Variants in QRICH1 observed in about 807,000 individuals in gnomAD.
QRICH1 encodes glutamine rich 1.
A neutral mutation model predicts 87.1 loss-of-function variants in QRICH1; 16 were observed. The observed-to-expected ratio is 0.18, with a 90% CI of 0.12 to 0.28. QRICH1 has a LOEUF of 0.28. QRICH1 is among the 10% of genes least tolerant of loss of function. The pLI is 1.00. For missense variants in QRICH1, 647 were observed against 951.7 expected, an observed-to-expected ratio of 0.68 and a Z score of 4.21; for synonymous variants, 367 against 368.4, an observed-to-expected ratio of 1.00 and a Z score of 0.05.
intron 1 of QRICH1, among the ~76,000 whole-genome samples, chr3:49,088,618 G>GTTTTTTTTTTT (rs1206382284): frequency 1.1e-5 from 1 of 93,170 alleles, no homozygotes; most frequent in Admixed American, 1.1e-4. Flanking sequence ...GCTTTTGTCT[G>GTTTTTTTTTTT]TTTTTTTTTT....
chr3:49,052,703 C>T (rs375276817), intron 3 of QRICH1, among the ~76,000 whole-genome samples: 41 of 152,200 alleles, frequency 2.7e-4, no homozygotes, highest in African/African-American at 9.6e-4. Context: ...CGGGGTTTCA[C>T]CATCTTGGCC....
intron 6 of QRICH1, among the ~76,000 whole-genome samples, chr3:49,037,539 G>A (rs563462833): frequency 5.3e-5 from 8 of 152,272 alleles, no homozygotes; most frequent in Admixed American, 3.9e-4. Flanking sequence ...CGCGACCAGC[G>A]CGGCCAACAT....
At chr3:49,088,258 T>A (rs1225010515) in intron 1 of QRICH1, among the ~76,000 whole-genome samples, 2 of 151,064 alleles carry the variant, frequency 1.3e-5, no homozygotes, top group Admixed American at 1.3e-4. Flanking sequence ...CGACCAGAAT[T>A]GACGTATTTC....
chr3:49,054,647 G>C (rs567891871), intron 3 of QRICH1, among the ~76,000 whole-genome samples: 1 of 152,284 alleles, frequency 6.6e-6, no homozygotes, highest in South Asian at 2.1e-4. Context: ...GCTCATGCCT[G>C]TAATCCCAAC....
At chr3:49,088,628 T>G (rs1270306776) in intron 1 of QRICH1, among the ~76,000 whole-genome samples, 7 of 148,640 alleles carry the variant, frequency 4.7e-5, no homozygotes, top group East Asian at 2.0e-4. Flanking sequence ...GTTTTTTTTT[T>G]TTTTTTTTTT....
intron 2 of QRICH1, among the ~76,000 whole-genome samples, chr3:49,072,511 A>G (rs2041859916): frequency 6.6e-6 from 1 of 151,372 alleles, no homozygotes; most frequent in Admixed American, 6.6e-5. Context: ...AGGTGACAGA[A>G]TGAGACCCTG....
chr3:49,042,793 G>T (rs928172570), intron 6 of QRICH1, among the ~76,000 whole-genome samples: 1 of 151,902 alleles, frequency 6.6e-6, no homozygotes, highest in Non-Finnish European at 1.5e-5. Flanking sequence ...GGCTGGTCTT[G>T]AACTCCCAAT....
intron 3 of QRICH1, among the ~76,000 whole-genome samples, chr3:49,049,806 A>C (rs1034976497): frequency 6.6e-6 from 1 of 151,980 alleles, no homozygotes; most frequent in African/African-American, 2.4e-5. Flanking sequence ...CCAGATTCTG[A>C]AGAGATCTTT....
chr3:49,030,240 G>A lies in QRICH1; in HGVS notation c.*212C>T. On this transcript the variant is annotated 3_prime_UTR_variant, in exon 10 of 10. Transcript: ENST00000395443. ...GACATATGACACTCAAGGAAACCCA[G>A]AGCCACCATCGGCTGAGGAGTCTGC... 1 of 562,630 alleles carries A rather than the reference G, an allele frequency of 1.8e-6. No individual in the cohort carries two copies. Among genetic ancestry groups the A allele is most frequent in the Non-Finnish European group, 3.1e-6 (1 of 323,912 alleles). The allele number at this position is 562,630 out of a possible 1,614,324, so 34.9% of individuals were successfully genotyped here.
intron 2 of QRICH1, among the ~76,000 whole-genome samples, chr3:49,071,698 C>T (rs866743876): frequency 4.6e-5 from 7 of 152,190 alleles, no homozygotes; most frequent in Admixed American, 2.0e-4. Context: ...GACTTCTTTT[C>T]TCTTTTTTTG....
chr3:49,088,402 C>T (rs13324235), intron 1 of QRICH1, among the ~76,000 whole-genome samples: 1 of 152,166 alleles, frequency 6.6e-6, no homozygotes, highest in East Asian at 1.9e-4. Context: ...TCAAGTGGTT[C>T]TCCTGCCTCA....
chr3:49,030,655 T>G lies in QRICH1; in HGVS notation c.2139-11A>C. ...TTCACACTCTGGGGGCTGAAGAATATGCGGATAAAAGTTGGGTACCACCAA... is the reference window on the plus strand; with the variant it reads ...TTCACACTCTGGGGGCTGAAGAATAGGCGGATAAAAGTTGGGTACCACCAA... On this transcript the variant is annotated splice_polypyrimidine_tract_variant and intron_variant, in intron 9 of 9. Coordinates refer to ENST00000395443, the MANE Select transcript of QRICH1 (RefSeq NM_198880.3). The G allele has an allele frequency of 6.5e-7, 1 of 1,544,286 alleles. No individual in the cohort carries two copies. The highest frequency in any genetic ancestry group is 8.7e-7 in the Non-Finnish European group (1 of 1,142,934).
intron 2 of QRICH1, among the ~76,000 whole-genome samples, chr3:49,066,942 G>T (rs2093472106): frequency 6.6e-6 from 1 of 151,878 alleles, no homozygotes; most frequent in Non-Finnish European, 1.5e-5. Context: ...GGAGGCTGAG[G>T]TAGGACAATA....
intron 1 of QRICH1, among the ~76,000 whole-genome samples, chr3:49,083,778 A>C (rs1049784003): frequency 2.0e-5 from 3 of 151,770 alleles, no homozygotes; most frequent in Admixed American, 2.0e-4. Context: ...AAAAAAAAAA[A>C]ATTAGCCAGG....
At chr3:49,035,941 AGGTGTGG>A (rs2093272924) in intron 6 of QRICH1, among the ~76,000 whole-genome samples, 1 of 150,816 alleles carries the variant, frequency 6.6e-6, no homozygotes, top group Non-Finnish European at 1.5e-5. Context: ...AAAACTAGCC[AGGTGTGG>A]TGGTATGCAC....
At chr3:49,030,748 T>G in intron 9 of QRICH1, 104 bp from the exon 10 acceptor site, 1 of 1,006,746 alleles carries the variant, frequency 9.9e-7, no homozygotes, top group South Asian at 1.8e-5. Flanking sequence ...AGGCCCCAAG[T>G]TATTGTGGCA....
chr3:49,046,987 CACT>C, intron 4 of QRICH1, 79 bp downstream of exon 4: 1 of 1,484,320 alleles, frequency 6.7e-7, no homozygotes, highest in Non-Finnish European at 9.1e-7. Context: ...CAGGAGACAC[CACT>C]TTTCTGGCAT....
intron 1 of QRICH1, among the ~76,000 whole-genome samples, chr3:49,079,987 C>T (rs1358157054): frequency 6.6e-6 from 1 of 151,578 alleles, no homozygotes; most frequent in African/African-American, 2.4e-5. Flanking sequence ...CGAGATCGTG[C>T]CACTGCGCTC....
At position 49,030,009 on chromosome 3, in the gene QRICH1, G is replaced by C. The variant is rs2093224350; in HGVS notation, c.*443C>G. The stretch of plus-strand genomic sequence containing the variant: ...CCATTAAGATGCTAAGTTTATGTCT[G>C]ATCATGAAGAAAGAAAAGAACATCG... On this transcript the variant is annotated 3_prime_UTR_variant, in exon 10 of 10. Transcript: ENST00000395443. The C allele has an allele frequency of 4.3e-6, 1 of 233,140 alleles. No individual in the cohort carries two copies. The highest frequency in any genetic ancestry group is 2.2e-5 in the African/African-American group (1 of 44,570). The allele number at this position is 233,140 out of a possible 1,614,324, so 14.4% of individuals were successfully genotyped here.
Sources: allele counts gnomAD v4.1 joint callset (sites outside exome capture counted in the v4.1 genomes callset), GRCh38; gene constraint gnomAD v4.1.1; transcripts MANE v1.5; gene names NCBI Gene and HGNC (gene_info 2026-07-23, HGNC 2026-07-21).